The following PCDHGA3 variants were observed in gnomAD, a reference collection of about 807,000 sequenced individuals.
PCDHGA3 encodes the protein protocadherin gamma-A3.
A neutral mutation model predicts 58.5 loss-of-function variants in PCDHGA3; 40 were observed. The observed-to-expected ratio is 0.68, with a 90% confidence interval of 0.53 to 0.89. PCDHGA3 has a LOEUF of 0.89. PCDHGA3 is among the 40% of genes least tolerant of loss of function. The pLI, the probability that PCDHGA3 is intolerant of heterozygous loss-of-function variation, is 0.00. For missense variants in PCDHGA3, 1,223 were observed against 1,195.9 expected, an observed-to-expected ratio of 1.02 and a Z score of -0.33; for synonymous variants, 530 against 525.7, an observed-to-expected ratio of 1.01 and a Z score of -0.11.
intron 1 of PCDHGA3, chr5:141,389,298 G>C (rs1440320819): frequency 6.2e-7 from 1 of 1,614,030 alleles, no homozygotes; most frequent in Non-Finnish European, 8.5e-7. Context: ...TATTTCACAA[G>C]TCAGGGCTTC....
At chr5:141,393,285 G>A (rs771057124) in intron 1 of PCDHGA3, 2 of 1,613,966 alleles carry the variant, frequency 1.2e-6, no homozygotes, top group Non-Finnish European at 1.7e-6. Context: ...CCCAGAAGCT[G>A]TTGACCCGGA....
intron 1 of PCDHGA3, among the ~76,000 whole-genome samples, chr5:141,479,077 A>G (rs1393042749): frequency 6.6e-6 from 1 of 152,224 alleles, no homozygotes; most frequent in Non-Finnish European, 1.5e-5. Context: ...ATGAAATGAA[A>G]TTCCAGGCAT....
rs375127524 is a variant in PCDHGA3, at chr5:141,490,702, C to G, written c.2425-4105C>G. ...AGATCCAGACACTGGGGATAATGCCCGCCTCACCTACTCCATTGTAGGAAA... is the reference window on the plus strand; with the variant it reads ...AGATCCAGACACTGGGGATAATGCCGGCCTCACCTACTCCATTGTAGGAAA... On this transcript the variant is annotated intron_variant, in intron 1 of 3. Coordinates refer to ENST00000253812, the MANE Select transcript of PCDHGA3 (RefSeq NM_018916.4). This position sits in a 1 kb window ranked among gnomAD's most constrained non-coding sequence, Gnocchi z 5.4. The G allele has an allele frequency of 1.2e-6, 2 of 1,614,060 alleles. No homozygotes were observed. Among genetic ancestry groups the G allele is most frequent in the Admixed American group, 1.7e-5 (1 of 60,008 alleles).
chr5:141,382,792 T>C (rs993602404), intron 1 of PCDHGA3: 3 of 949,494 alleles, frequency 3.2e-6, no homozygotes, highest in Middle Eastern at 2.2e-4. Flanking sequence ...GCCTCTATCC[T>C]GCTGGATTCT....
rs771321011 is a variant in PCDHGA3 at position 141,371,062 on chromosome 5, G to A, written c.2424+24605G>A. On this transcript the variant is annotated intron_variant, in intron 1 of 3. Coordinates refer to ENST00000253812, the MANE Select transcript of PCDHGA3 (RefSeq NM_018916.4). ...GTGGATGGGGGCGAGCCCTCCAGAA[G>A]CTGTACCACCCAGATCAGGGTAATT... 4 of 1,613,856 alleles carry A rather than the reference G, an allele frequency of 2.5e-6. No homozygotes were observed. The highest frequency in any genetic ancestry group is 3.4e-6 in the Non-Finnish European group (4 of 1,179,884).
chr5:141,372,729 G>T, intron 1 of PCDHGA3: 1 of 1,613,602 alleles, frequency 6.2e-7, no homozygotes. Context: ...TGCACCACAA[G>T]ATCTTCTATG....
chr5:141,423,325 G>A lies in PCDHGA3; in HGVS notation c.2425-71482G>A, dbSNP rs201044967. ...GCTGTACTTGGTGGTGGCGGTGGCCGCAGTCTCCTGCATCTTCCTGGTCTT... is the reference window on the plus strand; with the variant it reads ...GCTGTACTTGGTGGTGGCGGTGGCCACAGTCTCCTGCATCTTCCTGGTCTT... On this transcript the variant is annotated intron_variant, in intron 1 of 3. Coordinates refer to ENST00000253812, the MANE Select transcript of PCDHGA3 (RefSeq NM_018916.4). 133 of 1,614,016 alleles carry A rather than the reference G, an allele frequency of 8.2e-5. No individual in the cohort carries two copies. Among genetic ancestry groups the A allele is most frequent in the Non-Finnish European group, 4.1e-5 (48 of 1,180,008 alleles).
At position 141,454,796 on chromosome 5, in the gene PCDHGA3, A is replaced by ATTTTTTTTTTTTTTTTTTTT. The variant is rs61612330; in HGVS notation, c.2425-40001_2425-39982dup. Among the ~76,000 whole-genome samples, 20 of 77,456 alleles carry ATTTTTTTTTTTTTTTTTTTT rather than the reference A, an allele frequency of 2.6e-4. 2 individuals carry two copies. Among genetic ancestry groups the ATTTTTTTTTTTTTTTTTTTT allele is most frequent in the South Asian group, 5.1e-4 (1 of 1,960 alleles). The allele number at this position is 77,456 out of a possible 152,430, so 50.8% of individuals were successfully genotyped here. On this transcript the variant is annotated intron_variant, in intron 1 of 3. Transcript: ENST00000253812. Reference sequence around the variant, plus strand: ...AAGGAAATAATCCTCCATGGTTCTAATTTTTTTTTTTTTTTTTTTTTTTTT... The same window carrying ATTTTTTTTTTTTTTTTTTTT: ...AAGGAAATAATCCTCCATGGTTCTAATTTTTTTTTTTTTTTTTTTTTTTTTTTTTTTTTTTTTTTTTTTTT...
intron 1 of PCDHGA3, chr5:141,409,578 T>A: frequency 6.2e-7 from 1 of 1,613,942 alleles, no homozygotes. Context: ...TCCTACGTGG[T>A]CCACGTGGCC....
chr5:141,375,809 G>A (rs912938777), intron 1 of PCDHGA3: 92 of 1,614,084 alleles, frequency 5.7e-5, no homozygotes, highest in Non-Finnish European at 7.3e-5. Flanking sequence ...CACTGGCGTG[G>A]AGCTGGCGCC....
intron 1 of PCDHGA3, chr5:141,430,781 C>A: frequency 6.6e-7 from 1 of 1,510,922 alleles, no homozygotes; most frequent in Non-Finnish European, 8.8e-7. Context: ...GCGACTGCAC[C>A]GGGACTACAA....
At chr5:141,427,573 T>C in intron 1 of PCDHGA3, 1 of 667,160 alleles carries the variant, frequency 1.5e-6, no homozygotes, top group Non-Finnish European at 2.8e-6. Context: ...AAGCCTCCGC[T>C]CTCATCCAGC....
In PCDHGA3 at chr5:141,485,972, T is replaced by G; in HGVS notation, c.2425-8835T>G. ...CATGGTGCTCATCCAGCTCAATGCC[T>G]CAGACCCGGACCTGGGTCCCAGTGG... On this transcript the variant is annotated intron_variant, in intron 1 of 3. Transcript: ENST00000253812. The surrounding 1 kb of genome is among the most constrained non-coding windows in gnomAD (Gnocchi z 5.7). 1 of 1,614,184 alleles carries G rather than the reference T, an allele frequency of 6.2e-7. No individual in the cohort carries two copies. Among genetic ancestry groups the G allele is most frequent in the Non-Finnish European group, 8.5e-7 (1 of 1,180,022 alleles).
At chr5:141,397,507 T>C (rs2093532297) in intron 1 of PCDHGA3, among the ~76,000 whole-genome samples, 1 of 152,222 alleles carries the variant, frequency 6.6e-6, no homozygotes, top group Non-Finnish European at 1.5e-5. Flanking sequence ...GATAAAATTG[T>C]TTCCATAGCT....
At chr5:141,504,269 A>T (rs7715517) in intron 2 of PCDHGA3, among the ~76,000 whole-genome samples, 3,100 of 152,246 alleles carry the variant, frequency 0.02, 113 homozygotes, top group African/African-American at 0.07. Context: ...GTATTTTTTT[A>T]AATTATGAAT....
intron 1 of PCDHGA3, among the ~76,000 whole-genome samples, chr5:141,444,257 C>T (rs376980362): frequency 1.2e-4 from 18 of 147,512 alleles, no homozygotes; most frequent in East Asian, 6.0e-4. Context: ...CTGCAACCTC[C>T]GCCTCCCAGG....
chr5:141,484,532 G>A (rs1421387882), intron 1 of PCDHGA3, among the ~76,000 whole-genome samples: 1 of 152,182 alleles, frequency 6.6e-6, no homozygotes, highest in Non-Finnish European at 1.5e-5. Context: ...TTGAGTATAT[G>A]GCAGTGGTTC....
chr5:141,500,989 C>T (rs779352768), intron 2 of PCDHGA3, among the ~76,000 whole-genome samples: 1 of 152,040 alleles, frequency 6.6e-6, no homozygotes, highest in Non-Finnish European at 1.5e-5. Context: ...CTGCCTCAGC[C>T]TCCTGAGTAG....
Position 141,485,046 on chromosome 5 carries a change from G to A in PCDHGA3, c.2425-9761G>A. On this transcript the variant is annotated intron_variant, in intron 1 of 3. Transcript: ENST00000253812. This position sits in a 1 kb window ranked among gnomAD's most constrained non-coding sequence, Gnocchi z 5.7. ...AAAAACGGCGCGTAACCCTTGCGGCGCCGGCCGAACCGCGCCAGAGCTGGC... is the reference window on the plus strand; with the variant it reads ...AAAAACGGCGCGTAACCCTTGCGGCACCGGCCGAACCGCGCCAGAGCTGGC... 2 of 750,304 alleles carry A rather than the reference G, an allele frequency of 2.7e-6. No individual in the cohort carries two copies. The highest frequency in any genetic ancestry group is 4.5e-6 in the Non-Finnish European group (2 of 443,046). The allele number at this position is 750,304 out of a possible 1,614,324, so 46.5% of individuals were successfully genotyped here. A position where few individuals can be genotyped will look rare whatever the true frequency, so the allele number is the denominator to read the frequency against.
Sources: gnomAD v4.1 joint callset for allele counts (sites outside exome capture counted in the v4.1 genomes callset) on GRCh38, gnomAD v4.1.1 for gene constraint, Gnocchi (gnomAD v3.1) non-coding constraint, MANE v1.5 for transcripts, NCBI Gene and HGNC (gene_info 2026-07-23, HGNC 2026-07-21) for gene names.